Variants in GPR26 observed in about 807,000 individuals in gnomAD.
GPR26 encodes the protein G protein-coupled receptor 26.
A neutral mutation model predicts 23.1 loss-of-function variants in GPR26; 15 were observed. The observed-to-expected ratio is 0.65, with a 90% CI of 0.43 to 1.00. The LOEUF is 1.00. GPR26 is among the 50% of genes least tolerant of loss of function. The pLI is 0.00. For synonymous variants in GPR26, 228 were observed against 222.1 expected, an observed-to-expected ratio of 1.03 and a Z score of -0.24; for missense variants, 359 against 470.5, an observed-to-expected ratio of 0.76 and a Z score of 2.19.
At chr10:123,678,599 G>T (rs946224541) in intron 2 of GPR26, among the ~76,000 whole-genome samples, 1 of 152,198 alleles carries the variant, frequency 6.6e-6, no homozygotes, top group Non-Finnish European at 1.5e-5. Flanking sequence ...CCCTCTTGGA[G>T]CCACCTGACC....
chr10:123,678,846 G>T (rs1845337026), intron 2 of GPR26, among the ~76,000 whole-genome samples: 1 of 152,198 alleles, frequency 6.6e-6, no homozygotes, highest in East Asian at 1.9e-4. Flanking sequence ...GGAGGGGACA[G>T]GATTAATCTC....
Position 123,666,713 on chromosome 10 carries a change from C to T in GPR26, c.306C>T (p.Ile102=). The T allele has an allele frequency of 6.3e-7, 1 of 1,599,084 alleles. No individual in the cohort carries two copies. Among genetic ancestry groups the T allele is most frequent in the Non-Finnish European group, 8.5e-7 (1 of 1,177,954 alleles). ...NSMLSMAALS[I]DRWVAVVFPL... is the part of the protein sequence containing the mutation. ...TGCTCAGCATGGCCGCGCTCAGCAT[C>T]GACCGCTGGGTGGCCGTGGTCTTCC... Residue 102 remains isoleucine, a synonymous_variant, in exon 1 of 3, where the codon ATC becomes ATT. Transcript: ENST00000284674.
rs1169441405 is a variant in GPR26 at position 123,693,168 on chromosome 10, C to CCTT, written c.*5009_*5011dup. 2.0e-5 allele frequency: 3 copies of CCTT among 152,242 alleles called. No homozygotes were observed. The highest frequency in any genetic ancestry group is 7.2e-5 in the African/African-American group (3 of 41,444). 9.4% of individuals were successfully genotyped at this position (152,242 alleles called of 1,614,324 possible). On this transcript the variant is annotated 3_prime_UTR_variant, in exon 3 of 3. Coordinates refer to ENST00000284674, the MANE Select transcript of GPR26 (RefSeq NM_153442.4). ...TGCTTGGGAAGGAATTCTCCAGACT[C>CCTT]CTTTTACTTTGTATGTGTTTCTAGG... is the stretch of plus-strand genomic sequence containing the variant.
chr10:123,694,712 G>T lies in GPR26; in HGVS notation c.*6552G>T, dbSNP rs1845524249. On this transcript the variant is annotated 3_prime_UTR_variant, in exon 3 of 3. Coordinates refer to ENST00000284674, the MANE Select transcript of GPR26 (RefSeq NM_153442.4). The stretch of plus-strand genomic sequence containing the variant: ...AAGGAAAAGAAAAAGAAGGAAGGAA[G>T]GAGTCCTAGCCACTTCTTTCTCCTG... 1 of 151,536 alleles carries T rather than the reference G, an allele frequency of 6.6e-6. No homozygotes were observed. The highest frequency in any genetic ancestry group is 1.5e-5 in the Non-Finnish European group (1 of 67,906). The allele number at this position is 151,536 out of a possible 1,614,324, so 9.4% of individuals were successfully genotyped here. A position where few individuals can be genotyped will look rare whatever the true frequency, so the allele number is the denominator to read the frequency against.
rs553670516 is a variant in GPR26, at chr10:123,688,727, T to A, written c.*567T>A. On this transcript the variant is annotated 3_prime_UTR_variant, in exon 3 of 3. Transcript: ENST00000284674. ...GCCCAGCTGGGACTCTTGGGCTCTG[T>A]GCCTGAGGGAAAATGTTTCACAACT... 34 of 155,732 alleles carry A rather than the reference T, an allele frequency of 2.2e-4. No individual in the cohort carries two copies. The South Asian group carries it at 6.4e-3, about 29-fold the overall frequency. 9.6% of individuals were successfully genotyped at this position (155,732 alleles called of 1,614,324 possible). A position where few individuals can be genotyped will look rare whatever the true frequency, so the allele number is the denominator to read the frequency against.
chr10:123,696,862 A>AATG lies in GPR26; in HGVS notation c.*8703_*8705dup, dbSNP rs1378674070. The stretch of plus-strand genomic sequence containing the variant: ...GCCCATGAGCATATGCATATGGGTG[A>AATG]ATGTTTGTGTGCCCATGAGTATATG... On this transcript the variant is annotated 3_prime_UTR_variant, in exon 3 of 3. Transcript: ENST00000284674. 6.2e-5 allele frequency among the ~76,000 whole-genome samples: 9 copies of AATG among 144,510 alleles called. No individual in the cohort carries two copies. The highest frequency in any genetic ancestry group is 1.2e-4 in the Non-Finnish European group (8 of 67,906). The allele number at this position is 144,510 out of a possible 152,430, so 94.8% of individuals were successfully genotyped here. A position where few individuals can be genotyped will look rare whatever the true frequency, so the allele number is the denominator to read the frequency against.
intron 1 of GPR26, among the ~76,000 whole-genome samples, chr10:123,669,490 G>A (rs1382204953): frequency 2.0e-5 from 3 of 152,190 alleles, no homozygotes; most frequent in African/African-American, 7.2e-5. Flanking sequence ...AGGGCCATTC[G>A]GTGCTGAGAG....
chr10:123,678,183 A>C (rs1178630518), intron 2 of GPR26, among the ~76,000 whole-genome samples: 3 of 152,226 alleles, frequency 2.0e-5, no homozygotes, highest in African/African-American at 7.2e-5. Flanking sequence ...ACCTGTTTCT[A>C]TTCACTAGCG....
chr10:123,667,029 G>A lies in GPR26; in HGVS notation c.622G>A (p.Val208Met), dbSNP rs1402908892. 1.2e-6 allele frequency: 2 copies of A among 1,608,620 alleles called. No homozygotes were observed. The highest frequency in any genetic ancestry group is 1.7e-6 in the Non-Finnish European group (2 of 1,177,700). Reference sequence around the variant, plus strand: ...CCGCTTCCATTGCAAGCGCATCGACGTGATCACCATGCAGACGCTGGTGCT... The same window carrying A: ...CCGCTTCCATTGCAAGCGCATCGACATGATCACCATGCAGACGCTGGTGCT... ...VARFHCKRID[V>M]ITMQTLVLLV... Residue 208 changes from valine (V) to methionine (M), a missense_variant, in exon 1 of 3, where the codon GTG becomes ATG. Coordinates refer to ENST00000284674, the MANE Select transcript of GPR26 (RefSeq NM_153442.4).
In GPR26 at chr10:123,666,574, C is replaced by G; in HGVS notation, c.167C>G (p.Thr56Ser). The G allele has an allele frequency of 6.3e-7, 1 of 1,597,540 alleles. No individual in the cohort carries two copies. Among genetic ancestry groups the G allele is most frequent in the Non-Finnish European group, 8.5e-7 (1 of 1,174,288 alleles). ...CTCACGTGCGGGAACCTGCTGTGCA[C>G]CGTGGTCAACATGCCGCTCACGCTG... is the stretch of plus-strand genomic sequence containing the variant. The part of the protein sequence containing the change: ...LNLTCGNLLC[T>S]VVNMPLTLAG... The change falls in exon 1 of 3, where the codon ACC (threonine) becomes AGC (serine). Residue 56 changes from threonine to serine, a missense_variant. Transcript: ENST00000284674.
rs922892617 is a variant in GPR26 at position 123,696,318 on chromosome 10, C to T, written c.*8158C>T. On this transcript the variant is annotated 3_prime_UTR_variant, in exon 3 of 3. Transcript: ENST00000284674. ...AGGACAGCTGGCTAAATGCTATCCT[C>T]AGTCCTCCTGGAGGCTCCTAGTAAT... 1.3e-5 allele frequency among the ~76,000 whole-genome samples: 2 copies of T among 152,194 alleles called. No individual in the cohort carries two copies. Among genetic ancestry groups the T allele is most frequent in the Non-Finnish European group, 2.9e-5 (2 of 68,042 alleles).
rs1196816362 is a variant in GPR26 at position 123,692,162 on chromosome 10, G to A, written c.*4002G>A. 1 of 152,258 alleles carries A rather than the reference G, an allele frequency of 6.6e-6. No individual in the cohort carries two copies. The highest frequency in any genetic ancestry group is 1.9e-4 in the East Asian group (1 of 5,194). The allele number at this position is 152,258 out of a possible 1,614,324, so 9.4% of individuals were successfully genotyped here. A position where few individuals can be genotyped will look rare whatever the true frequency, so the allele number is the denominator to read the frequency against. On this transcript the variant is annotated 3_prime_UTR_variant, in exon 3 of 3. Transcript: ENST00000284674. ...AGATATATTTGGGGTACTGGCAGAGGATGGCAGAGCTGGCTGGCTCTGAGC... is the reference window on the plus strand; with the variant it reads ...AGATATATTTGGGGTACTGGCAGAGAATGGCAGAGCTGGCTGGCTCTGAGC...
At chr10:123,677,832 G>A (rs114042109) in intron 2 of GPR26, among the ~76,000 whole-genome samples, 1 of 152,162 alleles carries the variant, frequency 6.6e-6, no homozygotes, top group Non-Finnish European at 1.5e-5. Context: ...CCAGCACGGG[G>A]GCCACCAGCA....
At chr10:123,681,594 G>C (rs1845378800) in intron 2 of GPR26, among the ~76,000 whole-genome samples, 1 of 152,238 alleles carries the variant, frequency 6.6e-6, no homozygotes, top group Admixed American at 6.5e-5. Context: ...TGGGAGGCCA[G>C]GATATTGAGG....
chr10:123,690,676 G>A lies in GPR26; in HGVS notation c.*2516G>A, dbSNP rs1245240644. On this transcript the variant is annotated 3_prime_UTR_variant, in exon 3 of 3. Transcript: ENST00000284674. Reference sequence around the variant, plus strand: ...CATGAATTAAATCCCAAGGGAAAGTGAGAAGAAAATTAATGTATTAGCAAC... The same window carrying A: ...CATGAATTAAATCCCAAGGGAAAGTAAGAAGAAAATTAATGTATTAGCAAC... The A allele has an allele frequency of 6.6e-6, 1 of 152,230 alleles. No individual in the cohort carries two copies. The highest frequency in any genetic ancestry group is 1.5e-5 in the Non-Finnish European group (1 of 68,046). The allele number at this position is 152,230 out of a possible 1,614,324, so 9.4% of individuals were successfully genotyped here. A position where few individuals can be genotyped will look rare whatever the true frequency, so the allele number is the denominator to read the frequency against.
At position 123,688,320 on chromosome 10, in the gene GPR26, G is replaced by A; in HGVS notation, c.*160G>A. The A allele has an allele frequency of 1.6e-6, 1 of 615,900 alleles. No individual in the cohort carries two copies. Among genetic ancestry groups the A allele is most frequent in the South Asian group, 1.9e-5 (1 of 51,728 alleles). The allele number at this position is 615,900 out of a possible 1,614,324, so 38.2% of individuals were successfully genotyped here. A position where few individuals can be genotyped will look rare whatever the true frequency, so the allele number is the denominator to read the frequency against. ...TAGGGGCTCCAGAGCCTGCTTCCTG[G>A]TTCCTCAAGGGCAGATATTGGACAC... is the stretch of plus-strand genomic sequence containing the variant. On this transcript the variant is annotated 3_prime_UTR_variant, in exon 3 of 3. Transcript: ENST00000284674.
At position 123,667,129 on chromosome 10, in the gene GPR26, A is replaced by G. The variant is rs1589921851; in HGVS notation, c.668+54A>G. 7.6e-7 allele frequency: 1 copy of G among 1,311,854 alleles called. No individual in the cohort carries two copies. The allele number at this position is 1,311,854 out of a possible 1,614,324, so 81.3% of individuals were successfully genotyped here. On this transcript the variant is annotated intron_variant, in intron 1 of 2. Coordinates refer to ENST00000284674, the MANE Select transcript of GPR26 (RefSeq NM_153442.4). ...AACAGCCGCGCGGGATCTCGGCGGG[A>G]GTGGGAGGTCCCTAGCCCCAGGGGC...
Position 123,666,515 on chromosome 10 carries a change from C to A in GPR26, c.108C>A (p.Ile36=). The A allele has an allele frequency of 6.3e-7, 1 of 1,579,196 alleles. No individual in the cohort carries two copies. The highest frequency in any genetic ancestry group is 8.6e-7 in the Non-Finnish European group (1 of 1,166,336). The change falls in exon 1 of 3, where the codon ATC becomes ATA. Residue 36 remains isoleucine (I), a synonymous_variant. Coordinates refer to ENST00000284674, the MANE Select transcript of GPR26 (RefSeq NM_153442.4). ...TCTGCCTGCTGCACAGCGCGGACAT[C>A]CGCCGCCAGGCGCCGGCGCTCTTCA... is the stretch of plus-strand genomic sequence containing the variant. ...VLLCLLHSAD[I]RRQAPALFTL...
intron 2 of GPR26, among the ~76,000 whole-genome samples, chr10:123,683,729 G>A (rs1177715825): frequency 1.3e-5 from 2 of 152,212 alleles, no homozygotes; most frequent in Non-Finnish European, 2.9e-5. Context: ...CACTGAGAGA[G>A]GAGGCATGGC....
Sources: gnomAD v4.1 joint callset for allele counts (sites outside exome capture counted in the v4.1 genomes callset) on GRCh38, gnomAD v4.1.1 for gene constraint, MANE v1.5 for transcripts, NCBI Gene and HGNC (gene_info 2026-07-23, HGNC 2026-07-21) for gene names.